PRDM16: variants seen among roughly 807,000 people sequenced by gnomAD.
PRDM16 encodes PR/SET domain 16, also known as histone-lysine N-methyltransferase PRDM16.
PRDM16 carries 23 observed loss-of-function variants against 110.6 expected under a neutral mutation model. The observed-to-expected ratio is 0.21, with a 90% CI of 0.15 to 0.29. The LOEUF (loss-of-function observed/expected upper bound fraction) is 0.29, where lower values mean the gene tolerates loss of function less well. PRDM16 is among the 10% of genes least tolerant of loss of function. PRDM16 has a pLI of 1.00. For missense variants in PRDM16, 1,615 were observed against 1,794.3 expected (o/e 0.90, Z 1.81); for synonymous variants, 799 against 781.8 (o/e 1.02, Z -0.37).
intron 2 of PRDM16, among the ~76,000 whole-genome samples, chr1:3,218,698 CCTT>C (rs1371682606): frequency 6.6e-6 from 1 of 152,226 alleles, no homozygotes; most frequent in Admixed American, 6.5e-5. Context: ...GCCTCTGCCA[CCTT>C]CTACCCACGA....
Position 3,436,319 on chromosome 1 carries a change from C to T in PRDM16, c.*2508C>T, listed in dbSNP as rs1337559174. 6 of 231,318 alleles carry T rather than the reference C, an allele frequency of 2.6e-5. No individual in the cohort carries two copies. The highest frequency in any genetic ancestry group is 1.1e-4 in the Admixed American group (2 of 17,718). The allele number at this position is 231,318 out of a possible 1,614,324, so 14.3% of individuals were successfully genotyped here. A position where few individuals can be genotyped will look rare whatever the true frequency, so the allele number is the denominator to read the frequency against. The stretch of plus-strand genomic sequence containing the variant: ...TGAGAGCCGCCCTTACCGTTGGTCT[C>T]CGGATCCCCCAGTCCCATCCCGCCG... On this transcript the variant is annotated 3_prime_UTR_variant, in exon 17 of 17. Coordinates refer to ENST00000270722, the MANE Select transcript of PRDM16 (RefSeq NM_022114.4).
At chr1:3,253,796 A>G (rs1261907932) in intron 3 of PRDM16, among the ~76,000 whole-genome samples, 2 of 152,096 alleles carry the variant, frequency 1.3e-5, no homozygotes, top group Non-Finnish European at 2.9e-5. Context: ...TGACTTCCAC[A>G]ATGGTTGAAC....
At chr1:3,396,717 C>T (rs1395601001) in intron 5 of PRDM16, 124 bp downstream of exon 5, 6 of 599,594 alleles carry the variant, frequency 1.0e-5, no homozygotes, top group South Asian at 2.0e-5. Flanking sequence ...GAGGGCCAGG[C>T]GGCCCCCAAG....
chr1:3,378,321 C>T (rs924604207), intron 3 of PRDM16, among the ~76,000 whole-genome samples: 11 of 152,180 alleles, frequency 7.2e-5, no homozygotes, highest in African/African-American at 2.2e-4. Flanking sequence ...TCTCTCTGTC[C>T]TTGTGGGTGC....
At chr1:3,392,111 C>G (rs1643310193) in intron 4 of PRDM16, among the ~76,000 whole-genome samples, 1 of 152,254 alleles carries the variant, frequency 6.6e-6, no homozygotes, top group South Asian at 2.1e-4. Flanking sequence ...AACATCCTCT[C>G]TCTCTCCCAA....
intron 3 of PRDM16, among the ~76,000 whole-genome samples, chr1:3,275,780 G>A (rs1454088096): frequency 2.0e-5 from 3 of 152,174 alleles, no homozygotes; most frequent in Non-Finnish European, 4.4e-5. Context: ...CCAGGGGGGC[G>A]GGAGGGGAGT....
rs1557666997 is a variant in PRDM16, at chr1:3,420,876, G to A, written c.2939+2132G>A. ...GACAGCCGGCCCGGGGGTCTCTCTG[G>A]GAGGCTGCCCAGTGGAGCCTGGAGT... On this transcript the variant is annotated intron_variant, in intron 12 of 16. Coordinates refer to ENST00000270722, the MANE Select transcript of PRDM16 (RefSeq NM_022114.4). Among the ~76,000 whole-genome samples, 3 of 152,156 alleles carry A rather than the reference G, an allele frequency of 2.0e-5. No homozygotes were observed. In the South Asian group the frequency reaches 6.2e-4, roughly 32 times the overall value.
At chr1:3,424,975 C>G (rs1406054494) in intron 12 of PRDM16, 1 of 151,798 alleles carries the variant, frequency 6.6e-6, no homozygotes, top group Non-Finnish European at 1.5e-5. Context: ...GCAGGAGACG[C>G]CGGAGGGTCG....
chr1:3,278,762 T>A (rs1192163620), intron 3 of PRDM16, among the ~76,000 whole-genome samples: 2 of 152,142 alleles, frequency 1.3e-5, no homozygotes, highest in East Asian at 1.9e-4. Context: ...CTGGCCTCTC[T>A]GGCAGACGTG....
chr1:3,179,994 C>T (rs765725455), intron 1 of PRDM16, among the ~76,000 whole-genome samples: 2 of 151,948 alleles, frequency 1.3e-5, no homozygotes, highest in African/African-American at 2.4e-5. Context: ...TGGTCTGCAG[C>T]GCAGAATCGT....
intron 1 of PRDM16, among the ~76,000 whole-genome samples, chr1:3,169,403 G>C (rs1231424716): frequency 6.6e-6 from 1 of 152,120 alleles, no homozygotes; most frequent in East Asian, 1.9e-4. Context: ...TCTCCTCAGG[G>C]CCGGGGGTTG....
At chr1:3,347,023 C>T (rs1642375738) in intron 3 of PRDM16, among the ~76,000 whole-genome samples, 1 of 152,238 alleles carries the variant, frequency 6.6e-6, no homozygotes, top group Non-Finnish European at 1.5e-5. Flanking sequence ...TCACCGGCAG[C>T]TTGGGACACC....
intron 1 of PRDM16, among the ~76,000 whole-genome samples, chr1:3,152,091 C>T (rs1281072888): frequency 2.0e-5 from 3 of 152,160 alleles, no homozygotes; most frequent in African/African-American, 7.2e-5. Context: ...GGATCCAAAA[C>T]AAGACCAGAC....
At chr1:3,355,567 C>A (rs779997782) in intron 3 of PRDM16, among the ~76,000 whole-genome samples, 1 of 152,130 alleles carries the variant, frequency 6.6e-6, no homozygotes, top group African/African-American at 2.4e-5. Context: ...TACAGCCAGG[C>A]GTGCCCAAGA....
intron 5 of PRDM16, 108 bp downstream of exon 5, chr1:3,396,701 C>A: frequency 1.6e-6 from 1 of 607,740 alleles, no homozygotes; most frequent in Non-Finnish European, 2.9e-6. Flanking sequence ...CCTCAAGCCA[C>A]CTAATGAGGG....
At chr1:3,376,533 A>G (rs1051967640) in intron 3 of PRDM16, among the ~76,000 whole-genome samples, 4 of 152,082 alleles carry the variant, frequency 2.6e-5, no homozygotes, top group East Asian at 1.9e-4. Flanking sequence ...ATCCAGTGAG[A>G]CCACAGTCAG....
At chr1:3,238,648 G>A (rs1260022339) in intron 2 of PRDM16, among the ~76,000 whole-genome samples, 1 of 152,240 alleles carries the variant, frequency 6.6e-6, no homozygotes, top group Non-Finnish European at 1.5e-5. Flanking sequence ...GGTTCTTGCG[G>A]GAGCTGCCAA....
At chr1:3,098,866 A>C (rs564749870) in intron 1 of PRDM16, among the ~76,000 whole-genome samples, 3 of 152,300 alleles carry the variant, frequency 2.0e-5, no homozygotes, top group Non-Finnish European at 4.4e-5. Context: ...ATGGTCCTGC[A>C]GGCGAGGCTG....
chr1:3,119,954 A>AG (rs373148797), intron 1 of PRDM16, among the ~76,000 whole-genome samples: 2,474 of 142,384 alleles, frequency 0.017, 65 homozygotes, highest in African/African-American at 0.056. Flanking sequence ...TGTTTCTTGG[A>AG]GGGGGGAGAG....
Sources: allele counts gnomAD v4.1 joint callset (sites outside exome capture counted in the v4.1 genomes callset), GRCh38; gene constraint gnomAD v4.1.1; transcripts MANE v1.5; gene names NCBI Gene and HGNC (gene_info 2026-07-23, HGNC 2026-07-21).